The following CARD14 variants were observed in gnomAD, a reference collection of about 807,000 sequenced individuals.
The protein encoded by CARD14 is caspase recruitment domain family member 14, also known as caspase recruitment domain-containing protein 14.
Under a neutral mutation model 111.5 loss-of-function variants are expected in CARD14, and 107 were observed. That is an observed-to-expected ratio of 0.96 (90% CI 0.82 to 1.13). The LOEUF is 1.13. CARD14 is among the 50% of genes most tolerant of loss of function. CARD14 has a pLI of 0.00. For synonymous variants in CARD14, 617 were observed against 579.6 expected (o/e 1.06, Z -0.93); for missense variants, 1,322 against 1,362.3 (o/e 0.97, Z 0.47).
chr17:80,201,738 C>T lies in CARD14; in HGVS notation c.1852-6C>T, dbSNP rs747800926. On this transcript the variant is annotated splice_polypyrimidine_tract_variant and splice_region_variant and intron_variant, in intron 16 of 23. Transcript: ENST00000648509. The surrounding 1 kb of genome is among the most constrained non-coding windows in gnomAD (Gnocchi z 5.0). ...AAAGAGACTGACCTTCTCGACTTGC[C>T]CTCAGGTTGATTACGAAGCCTCAGA... is the stretch of plus-strand genomic sequence containing the variant. 1.9e-6 allele frequency: 3 copies of T among 1,613,958 alleles called. No individual in the cohort carries two copies. The highest frequency in any genetic ancestry group is 2.2e-5 in the South Asian group (2 of 91,078).
intron 2 of CARD14, among the ~76,000 whole-genome samples, chr17:80,175,013 T>C (rs1388794880): frequency 6.6e-6 from 1 of 152,044 alleles, no homozygotes; most frequent in Admixed American, 6.6e-5. Flanking sequence ...TCTCAGTCTG[T>C]CATCCAGGCT....
At chr17:80,185,950 C>T (rs780535252) in intron 7 of CARD14, among the ~76,000 whole-genome samples, 75 of 152,260 alleles carry the variant, frequency 4.9e-4, no homozygotes, top group Non-Finnish European at 8.7e-4. Context: ...TCACAGGGGA[C>T]GTCACACCGT....
chr17:80,176,908 C>T (rs1321249899), intron 2 of CARD14, among the ~76,000 whole-genome samples: 1 of 152,182 alleles, frequency 6.6e-6, no homozygotes, highest in Non-Finnish European at 1.5e-5. Context: ...CAGCGCATCC[C>T]TGGAGATGGA....
chr17:80,205,787 C>A, intron 22 of CARD14, 135 bp downstream of exon 22: 2 of 907,682 alleles, frequency 2.2e-6, no homozygotes, highest in South Asian at 1.9e-5. Flanking sequence ...TGGGTCCCAA[C>A]AGCCCAGCAG....
chr17:80,206,834 C>T (rs112423473), intron 22 of CARD14, 136 bp from the exon 23 acceptor site: 6 of 485,372 alleles, frequency 1.2e-5, no homozygotes, highest in Middle Eastern at 2.9e-4. Flanking sequence ...CTCATCTCCT[C>T]TACAAAATTC....
At position 80,203,847 on chromosome 17, in the gene CARD14, A is replaced by G. The variant is rs1475397137; in HGVS notation, c.2245A>G (p.Ile749Val). 1.9e-6 allele frequency: 3 copies of G among 1,592,318 alleles called. No homozygotes were observed. In the African/African-American group the frequency reaches 4.0e-5, roughly 21 times the overall value. ...GGCTCAGCAGCAGCTCATAGCCCTC[A>G]TCCAGGACATGACTCAGCAGTGCAC... ...SRAQQQLIAL[I>V]QDMTQQCTVT... Residue 749 changes from isoleucine to valine, a missense_variant, in exon 19 of 24, where the codon ATC becomes GTC. By Grantham distance (29) the Ile-to-Val change is conservative. Coordinates refer to ENST00000648509, the MANE Select transcript of CARD14 (RefSeq NM_001366385.1). The surrounding 1 kb of genome is among the most constrained non-coding windows in gnomAD (Gnocchi z 4.6).
chr17:80,206,298 T>TAAAAAAAATATTTCAACTA (rs2041301815), intron 22 of CARD14, among the ~76,000 whole-genome samples: 1 of 151,508 alleles, frequency 6.6e-6, no homozygotes. Flanking sequence ...GACCCGTCTC[T>TAAAAAAAATATTTCAACTA]AAAAAAAATT....
chr17:80,195,599 C>T lies in CARD14; in HGVS notation c.1541C>T (p.Pro514Leu), dbSNP rs778906655. The T allele has an allele frequency of 9.9e-6, 16 of 1,613,060 alleles. No homozygotes were observed. In the East Asian group the frequency reaches 1.3e-4, roughly 13 times the overall value. ...EIPEGDPGALPGAKAGDPHLD... is the reference protein window; with the variant it reads ...EIPEGDPGALLGAKAGDPHLD... ...CCGGAGGGAGACCCGGGAGCCCTGC[C>T]GGGAGCTAAGGCAGGCGACCCACAC... Residue 514 changes from proline (P) to leucine (L), a missense_variant, in exon 14 of 24, where the codon CCG (proline) becomes CTG (leucine). Pro to Leu is a moderately conservative substitution (Grantham distance 98). Coordinates refer to ENST00000648509, the MANE Select transcript of CARD14 (RefSeq NM_001366385.1). This position sits in a 1 kb window ranked among gnomAD's most constrained non-coding sequence, Gnocchi z 4.7.
chr17:80,189,227 A>C lies in CARD14; in HGVS notation c.844-526A>C, dbSNP rs1254607386. 6.6e-6 allele frequency among the ~76,000 whole-genome samples: 1 copy of C among 152,206 alleles called. No homozygotes were observed. The highest frequency in any genetic ancestry group is 1.5e-5 in the Non-Finnish European group (1 of 68,026). The stretch of plus-strand genomic sequence containing the variant: ...ACTCCGCCCTCTGGGCCTCAGGTGC[A>C]CTGGAGAGAGGGGGGCTCTGAAGTG... On this transcript the variant is annotated intron_variant, in intron 8 of 23. Coordinates refer to ENST00000648509, the MANE Select transcript of CARD14 (RefSeq NM_001366385.1). The surrounding 1 kb of genome is among the most constrained non-coding windows in gnomAD (Gnocchi z 4.7).
rs1184669014 is a variant in CARD14, at chr17:80,202,186, A to T, written c.1985A>T (p.Lys662Met). 1.2e-6 allele frequency: 2 copies of T among 1,613,448 alleles called. No individual in the cohort carries two copies. The highest frequency in any genetic ancestry group is 2.2e-5 in the South Asian group (2 of 91,070). The change falls in exon 18 of 24, where the codon AAG becomes ATG. Residue 662 changes from lysine (K) to methionine (M), a missense_variant. Lys to Met is a moderately conservative substitution (Grantham distance 95). Coordinates refer to ENST00000648509, the MANE Select transcript of CARD14 (RefSeq NM_001366385.1). ...LSVKVNTDGYKRLLQDLEAKV... is the reference protein window; with the variant it reads ...LSVKVNTDGYMRLLQDLEAKV... ...TCATGTCCCCTTTTATCAGGTTATA[A>T]GAGGCTACTCCAGGACCTGGAGGCC...
intron 2 of CARD14, among the ~76,000 whole-genome samples, chr17:80,176,105 CTT>C (rs71365590): frequency 1.4e-4 from 19 of 135,578 alleles, no homozygotes; most frequent in Admixed American, 3.0e-4. Context: ...AAGCCTGGAT[CTT>C]TTTTTTTTTT....
chr17:80,177,066 G>A (rs987244003), intron 2 of CARD14, among the ~76,000 whole-genome samples: 1 of 152,164 alleles, frequency 6.6e-6, no homozygotes, highest in African/African-American at 2.4e-5. Flanking sequence ...GGTGAGCAGG[G>A]CCGCACCCCC....
chr17:80,176,439 CAA>C (rs11290027), intron 2 of CARD14, among the ~76,000 whole-genome samples: 4,551 of 96,850 alleles, frequency 0.047, 75 homozygotes, highest in Middle Eastern at 0.094. Flanking sequence ...GACCTTGTCT[CAA>C]AAAAAAAAAA....
In CARD14 at chr17:80,189,401, C is replaced by A. The variant is rs749470478; in HGVS notation, c.844-352C>A. 1.3e-5 allele frequency among the ~76,000 whole-genome samples: 2 copies of A among 152,204 alleles called. No homozygotes were observed. Among genetic ancestry groups the A allele is most frequent in the Non-Finnish European group, 2.9e-5 (2 of 68,044 alleles). ...CGGATTGTGTCTCTGTTTATAAGCT[C>A]CTTCCTGGGAAGTGAGTGTCAGAGG... is the stretch of plus-strand genomic sequence containing the variant. On this transcript the variant is annotated intron_variant, in intron 8 of 23. Coordinates refer to ENST00000648509, the MANE Select transcript of CARD14 (RefSeq NM_001366385.1). The surrounding 1 kb of genome is among the most constrained non-coding windows in gnomAD (Gnocchi z 4.7).
intron 23 of CARD14, chr17:80,207,793 C>T (rs55908102): frequency 0.041 from 10,892 of 267,670 alleles, 275 homozygotes; most frequent in African/African-American, 0.063. Flanking sequence ...GAACCCCACC[C>T]GGCCTCAGCT....
At position 80,172,897 on chromosome 17, in the gene CARD14, T is replaced by TTTTTTTTTTTTTTTTTG. The variant is rs2039936009; in HGVS notation, c.-689-8_-689-7insTTTTTTTTTTTTTTTGT. On this transcript the variant is annotated splice_polypyrimidine_tract_variant and intron_variant, in intron 1 of 23. Transcript: ENST00000648509. ...CTTTTTTTTTTTTTTTTTTTTTTTTTTGAGGTAGAGTTTCACTCTGGCTCC... is the reference window on the plus strand; with the variant it reads ...CTTTTTTTTTTTTTTTTTTTTTTTTTTTTTTTTTTTTTTTTTGTGAGGTAGAGTTTCACTCTGGCTCC... 7.6e-6 allele frequency: 1 copy of TTTTTTTTTTTTTTTTTG among 131,282 alleles called. No individual in the cohort carries two copies. The highest frequency in any genetic ancestry group is 7.5e-5 in the Admixed American group (1 of 13,338). 8.1% of individuals were successfully genotyped at this position (131,282 alleles called of 1,614,324 possible). A position where few individuals can be genotyped will look rare whatever the true frequency, so the allele number is the denominator to read the frequency against.
Position 80,188,251 on chromosome 17 carries a change from T to G in CARD14, c.676-126T>G. The stretch of plus-strand genomic sequence containing the variant: ...GTGAACCCTTTCGTGGGTTTTTCAG[T>G]CTCGAGGCAGGAAGCCCCCTGAGTG... On this transcript the variant is annotated intron_variant, in intron 7 of 23. Transcript: ENST00000648509. The surrounding 1 kb of genome is among the most constrained non-coding windows in gnomAD (Gnocchi z 4.5). 1 of 1,003,760 alleles carries G rather than the reference T, an allele frequency of 1.0e-6. No homozygotes were observed. The highest frequency in any genetic ancestry group is 1.4e-6 in the Non-Finnish European group (1 of 725,338). 62.2% of individuals were successfully genotyped at this position (1,003,760 alleles called of 1,614,324 possible).
chr17:80,179,985 A>G (rs929810249), intron 4 of CARD14, among the ~76,000 whole-genome samples: 1 of 152,220 alleles, frequency 6.6e-6, no homozygotes, highest in Non-Finnish European at 1.5e-5. Context: ...CATGGTAGAT[A>G]TGTGGATATT....
chr17:80,186,039 C>A (rs1409895153), intron 7 of CARD14, among the ~76,000 whole-genome samples: 2 of 152,256 alleles, frequency 1.3e-5, no homozygotes, highest in African/African-American at 4.8e-5. Flanking sequence ...TGATAAATAT[C>A]TCGGGTGTGG....
Sources: gnomAD v4.1 joint callset for allele counts (sites outside exome capture counted in the v4.1 genomes callset) on GRCh38, gnomAD v4.1.1 for gene constraint, Gnocchi (gnomAD v3.1) non-coding constraint, MANE v1.5 for transcripts, NCBI Gene and HGNC (gene_info 2026-07-23, HGNC 2026-07-21) for gene names.